Variants in MALRD1 observed in about 807,000 individuals in gnomAD.
MALRD1 encodes MAM and LDL-receptor class A domain-containing protein 1.
A neutral mutation model predicts 242.1 loss-of-function variants in MALRD1; 247 were observed. That is an observed-to-expected ratio of 1.02 (90% CI 0.92 to 1.13). The LOEUF is 1.13. Among genes scored for constraint, MALRD1 ranks in the 50% most tolerant of loss-of-function variants. The probability of loss-of-function intolerance (pLI) is 0.00; values close to 1 mark genes in which losing one functional copy is unlikely to be tolerated. For synonymous variants in MALRD1, 995 were observed against 866.6 expected (o/e 1.15, Z -2.60); for missense variants, 2,989 against 2,533.1 (o/e 1.18, Z -3.86).
At chr10:19,403,806 T>A (rs1198528830) in intron 28 of MALRD1, among the ~76,000 whole-genome samples, 1 of 152,146 alleles carries the variant, frequency 6.6e-6, no homozygotes, top group East Asian at 1.9e-4. Flanking sequence ...TATTCTTTAG[T>A]CTTTTTAGCG....
intron 32 of MALRD1, among the ~76,000 whole-genome samples, chr10:19,550,344 A>C (rs1022983215): frequency 3.4e-4 from 52 of 152,136 alleles, no homozygotes; most frequent in Admixed American, 3.9e-4. Context: ...TATGTTTTTT[A>C]AACTTTTTAA....
Position 19,498,551 on chromosome 10 carries a change from G to A in MALRD1, c.5225G>A (p.Cys1742Tyr). Residue 1742 changes from cysteine (C) to tyrosine (Y), a missense_variant, in exon 31 of 40, where the codon TGC becomes TAC. Coordinates refer to ENST00000454679, the MANE Select transcript of MALRD1 (RefSeq NM_001142308.3). ...ETSSGNWTTACSLTQDSEDDL... is the reference protein window; with the variant it reads ...ETSSGNWTTAYSLTQDSEDDL... ...AGTTCAGGAAACTGGACCACAGCCT[G>A]CAGTCTTACTCAAGACTCTGAGGAT... The A allele has an allele frequency of 6.5e-7, 1 of 1,550,200 alleles. No homozygotes were observed. The highest frequency in any genetic ancestry group is 8.7e-7 in the Non-Finnish European group (1 of 1,146,792).
intron 21 of MALRD1, among the ~76,000 whole-genome samples, chr10:19,284,249 C>A (rs1489519959): frequency 6.8e-6 from 1 of 147,916 alleles, no homozygotes; most frequent in East Asian, 2.0e-4. Context: ...TACATACCAA[C>A]TTTTTTTTTT....
chr10:19,484,150 T>C (rs1589142835), intron 29 of MALRD1, among the ~76,000 whole-genome samples: 1 of 152,130 alleles, frequency 6.6e-6, no homozygotes, highest in African/African-American at 2.4e-5. Context: ...AGGGCAAAGA[T>C]TGACATGCTA....
chr10:19,695,351 C>A (rs543244909), intron 38 of MALRD1, among the ~76,000 whole-genome samples: 2 of 152,212 alleles, frequency 1.3e-5, no homozygotes, highest in Non-Finnish European at 2.9e-5. Flanking sequence ...GAAATTATTT[C>A]TTTGCTTACG....
At chr10:19,221,338 A>G (rs990547796) in intron 18 of MALRD1, among the ~76,000 whole-genome samples, 1 of 152,162 alleles carries the variant, frequency 6.6e-6, no homozygotes, top group African/African-American at 2.4e-5. Flanking sequence ...ATACAACTTC[A>G]TGGAACATTT....
intron 32 of MALRD1, among the ~76,000 whole-genome samples, chr10:19,552,556 G>A (rs1188844311): frequency 6.6e-6 from 1 of 151,700 alleles, no homozygotes; most frequent in African/African-American, 2.4e-5. Context: ...GAATTTTTGT[G>A]TGTGTGTGTG....
At chr10:19,547,800 ATATATATATATATATATATTTT>A (rs1443249740) in intron 32 of MALRD1, among the ~76,000 whole-genome samples, 1 of 15,018 alleles carries the variant, frequency 6.7e-5, no homozygotes, top group African/African-American at 1.5e-4. Flanking sequence ...ATATATATAT[ATATATATATATATATATATTTT>A]TTTTTTTTTT....
At chr10:19,596,715 G>A (rs1004232330) in intron 34 of MALRD1, among the ~76,000 whole-genome samples, 26 of 150,664 alleles carry the variant, frequency 1.7e-4, no homozygotes, top group African/African-American at 6.4e-4. Flanking sequence ...CCCCAGCCTG[G>A]GTGACAAAGT....
chr10:19,542,699 AAGAT>A (rs1159674281), intron 32 of MALRD1, among the ~76,000 whole-genome samples: 1 of 152,152 alleles, frequency 6.6e-6, no homozygotes, highest in Non-Finnish European at 1.5e-5. Flanking sequence ...GTTGGATACA[AAGAT>A]AGGTAGATAA....
intron 1 of MALRD1, among the ~76,000 whole-genome samples, chr10:19,061,603 A>G (rs1456561193): frequency 6.6e-6 from 1 of 152,190 alleles, no homozygotes; most frequent in Non-Finnish European, 1.5e-5. Flanking sequence ...CATCTAGACC[A>G]TGGAATAGAA....
rs891820873 is a variant in MALRD1 at position 19,157,857 on chromosome 10, C to G, written c.1656+2685C>G. On this transcript the variant is annotated intron_variant, in intron 12 of 39. Coordinates refer to ENST00000454679, the MANE Select transcript of MALRD1 (RefSeq NM_001142308.3). ...GACTTTAAAGCAACTTGAGCTTTCT[C>G]GTGAGTTGCCATTTCTAACAGCACG... Among the ~76,000 whole-genome samples, 3 of 152,194 alleles carry G rather than the reference C, an allele frequency of 2.0e-5. No individual in the cohort carries two copies. In the East Asian group the frequency reaches 5.8e-4, roughly 29 times the overall value.
chr10:19,405,816 A>G (rs1847072134), intron 28 of MALRD1, among the ~76,000 whole-genome samples: 2 of 151,854 alleles, frequency 1.3e-5, no homozygotes, highest in Non-Finnish European at 2.9e-5. Flanking sequence ...TTCAGATAAC[A>G]CCACTCACTA....
At chr10:19,476,930 TAA>T (rs11445142) in intron 29 of MALRD1, among the ~76,000 whole-genome samples, 7 of 151,672 alleles carry the variant, frequency 4.6e-5, no homozygotes, top group African/African-American at 7.3e-5. Flanking sequence ...TTTGTCAAAT[TAA>T]AAAAAATATT....
intron 21 of MALRD1, among the ~76,000 whole-genome samples, chr10:19,299,969 C>T (rs1841872745): frequency 6.6e-6 from 1 of 151,906 alleles, no homozygotes; most frequent in Non-Finnish European, 1.5e-5. Context: ...ACTGGAAAAC[C>T]CCGGAGGTTC....
intron 24 of MALRD1, among the ~76,000 whole-genome samples, chr10:19,335,379 A>G (rs1843561417): frequency 6.6e-6 from 1 of 152,016 alleles, no homozygotes; most frequent in Non-Finnish European, 1.5e-5. Context: ...TTCTTTTAAC[A>G]TAGCATTGCT....
chr10:19,353,923 G>A (rs7476434), intron 26 of MALRD1, among the ~76,000 whole-genome samples: 85,893 of 151,644 alleles, frequency 0.57, 24,472 homozygotes, highest in Middle Eastern at 0.6. Flanking sequence ...ATGAGTTTTC[G>A]TTATGTTGGC....
chr10:19,402,635 TC>T lies in MALRD1; in HGVS notation c.4845+13028del, dbSNP rs373806590. Among the ~76,000 whole-genome samples, 52 of 152,112 alleles carry T rather than the reference TC, an allele frequency of 3.4e-4. 1 individual carries two copies. The East Asian group carries it at 8.7e-3, about 25-fold the overall frequency. On this transcript the variant is annotated intron_variant, in intron 28 of 39. Coordinates refer to ENST00000454679, the MANE Select transcript of MALRD1 (RefSeq NM_001142308.3). ...TGAGAACAGACTAATATACCCTATC[TC>T]CAAAAAAATGAATAAAATAAAATAG...
intron 28 of MALRD1, among the ~76,000 whole-genome samples, chr10:19,427,471 T>C (rs1300029022): frequency 6.6e-6 from 1 of 152,212 alleles, no homozygotes; most frequent in Non-Finnish European, 1.5e-5. Flanking sequence ...AAGAGAAATA[T>C]GACAATTGCC....
Sources: allele counts gnomAD v4.1 joint callset (sites outside exome capture counted in the v4.1 genomes callset), GRCh38; gene constraint gnomAD v4.1.1; transcripts MANE v1.5; gene names NCBI Gene and HGNC (gene_info 2026-07-23, HGNC 2026-07-21).